RNF38: variants seen among roughly 807,000 people sequenced by gnomAD.
The protein encoded by RNF38 is E3 ubiquitin-protein ligase RNF38.
Under a neutral mutation model 67.2 loss-of-function variants are expected in RNF38, and 15 were observed. The ratio of observed to expected loss-of-function variants is 0.22; its 90% CI spans 0.15 to 0.34. RNF38 has a LOEUF of 0.34. Ranked by LOEUF, RNF38 falls within the 10% of genes least tolerant of loss-of-function variation. The pLI is 1.00. For missense variants in RNF38, 524 were observed against 639.9 expected, an observed-to-expected ratio of 0.82 and a Z score of 1.95; for synonymous variants, 220 against 218.8, an observed-to-expected ratio of 1.01 and a Z score of -0.05.
intron 2 of RNF38, among the ~76,000 whole-genome samples, chr9:36,411,256 A>T (rs1838319085): frequency 6.6e-6 from 1 of 152,186 alleles, no homozygotes; most frequent in Non-Finnish European, 1.5e-5. Flanking sequence ...AAAAAAATTA[A>T]AAAGAAAATA....
upstream of RNF38, chr9:36,400,476 G>A (rs1249694566): frequency 9.8e-7 from 1 of 1,017,932 alleles, no homozygotes; most frequent in Non-Finnish European, 1.2e-6. Flanking sequence ...CAAGACTCGG[G>A]CGCGGCCCCG....
chr9:36,417,910 C>T (rs1176221893), intron 2 of RNF38, among the ~76,000 whole-genome samples: 1 of 152,090 alleles, frequency 6.6e-6, no homozygotes, highest in Admixed American at 6.5e-5. Flanking sequence ...AATCAAGGAA[C>T]TTGATTTTAC....
chr9:36,338,622 CAT>C lies in RNF38; in HGVS notation c.*1128_*1129del, dbSNP rs1405997890. 6.6e-6 allele frequency: 1 copy of C among 152,280 alleles called. No homozygotes were observed. The highest frequency in any genetic ancestry group is 1.5e-5 in the Non-Finnish European group (1 of 68,024). The allele number at this position is 152,280 out of a possible 1,614,324, so 9.4% of individuals were successfully genotyped here. ...CCCACAGGAGCTTGAACACAGAACA[CAT>C]ATGAGAAGTCAAGCTGAATTAACAG... On this transcript the variant is annotated 3_prime_UTR_variant, in exon 12 of 12. Transcript: ENST00000259605.
At chr9:36,484,091 T>A (rs1008211966) in intron 1 of RNF38, among the ~76,000 whole-genome samples, 8 of 152,142 alleles carry the variant, frequency 5.3e-5, no homozygotes, top group African/African-American at 1.9e-4. Flanking sequence ...AAACCCAAGA[T>A]AGTGGTTCTC....
rs370028856 is a variant in RNF38, at chr9:36,467,531, G to A, written n.241+19777C>T. ...GTTTCCTCAATATGACAATAAGGAG[G>A]TCAGATTATGATTCTGCTGCTCTCT... On this transcript the variant is annotated intron_variant and non_coding_transcript_variant, in intron 1 of 3. Coordinates refer to the RNF38 transcript ENST00000488058. 1.4e-4 allele frequency among the ~76,000 whole-genome samples: 22 copies of A among 152,210 alleles called. No individual in the cohort carries two copies. The South Asian group carries it at 4.6e-3, about 32-fold the overall frequency.
At chr9:36,433,282 TG>T (rs1446291056) in intron 1 of RNF38, among the ~76,000 whole-genome samples, 2 of 151,842 alleles carry the variant, frequency 1.3e-5, no homozygotes, top group African/African-American at 4.8e-5. Flanking sequence ...ACAGTATAAC[TG>T]GATTGTAACA....
chr9:36,438,089 G>A (rs1274650023), intron 1 of RNF38, among the ~76,000 whole-genome samples: 1 of 152,118 alleles, frequency 6.6e-6, no homozygotes, highest in African/African-American at 2.4e-5. Flanking sequence ...CTACAAGTGT[G>A]TGCTACCAGG....
chr9:36,377,887 G>C (rs570523127), intron 2 of RNF38, among the ~76,000 whole-genome samples: 1 of 151,598 alleles, frequency 6.6e-6, no homozygotes, highest in East Asian at 1.9e-4. Context: ...CATTTTTTCT[G>C]ACTATTTCCC....
chr9:36,398,548 TCTC>T (rs1277005952), intron 1 of RNF38, among the ~76,000 whole-genome samples: 6 of 152,308 alleles, frequency 3.9e-5, no homozygotes, highest in Middle Eastern at 6.8e-3. Flanking sequence ...TAATGCTTTA[TCTC>T]CTCTAGATAA....
chr9:36,342,510 C>T, intron 10 of RNF38, 86 bp from the exon 11 acceptor site: 3 of 847,484 alleles, frequency 3.5e-6, no homozygotes, highest in Non-Finnish European at 5.8e-6. Context: ...ATAATTTATT[C>T]TGTTATCAAA....
chr9:36,349,479 A>AT (rs1049155706), intron 9 of RNF38, among the ~76,000 whole-genome samples: 12 of 151,356 alleles, frequency 7.9e-5, no homozygotes, highest in African/African-American at 2.7e-4. Flanking sequence ...TGGGTTATTC[A>AT]TTTTTTTTGC....
At chr9:36,389,302 G>A (rs998897224) in intron 2 of RNF38, among the ~76,000 whole-genome samples, 1 of 147,366 alleles carries the variant, frequency 6.8e-6, no homozygotes, top group Non-Finnish European at 1.5e-5. Flanking sequence ...TTTATATTGA[G>A]TTACTGTTTG....
At chr9:36,455,043 A>G (rs1337633272) in intron 1 of RNF38, among the ~76,000 whole-genome samples, 1 of 152,130 alleles carries the variant, frequency 6.6e-6, no homozygotes, top group Non-Finnish European at 1.5e-5. Flanking sequence ...TCTTAAGAAC[A>G]TAAACTGCAA....
rs150298013 is a variant in RNF38, at chr9:36,360,801, C to G, written c.571-2859G>C. ...TTTGTCACAAATACCACCCCCCTAC[C>G]CCGACCAACTGCACACACATTTTTT... is the stretch of plus-strand genomic sequence containing the variant. On this transcript the variant is annotated intron_variant, in intron 4 of 11. Transcript: ENST00000259605. Among the ~76,000 whole-genome samples the G allele has an allele frequency of 1.3e-3, 203 of 152,152 alleles. 2 individuals carry two copies. Among genetic ancestry groups the G allele is most frequent in the Non-Finnish European group, 2.3e-3 (158 of 67,974 alleles).
chr9:36,436,278 T>C (rs1343872963), intron 1 of RNF38, among the ~76,000 whole-genome samples: 1 of 152,134 alleles, frequency 6.6e-6, no homozygotes, highest in African/African-American at 2.4e-5. Flanking sequence ...AAAAAATATC[T>C]AGGGAAGTCA....
intron 2 of RNF38, among the ~76,000 whole-genome samples, chr9:36,411,994 T>C (rs1838339282): frequency 6.6e-6 from 1 of 151,856 alleles, no homozygotes; most frequent in Non-Finnish European, 1.5e-5. Flanking sequence ...TGTATGATTC[T>C]ACTTGTATGA....
chr9:36,423,093 C>T (rs1256504909), intron 2 of RNF38, among the ~76,000 whole-genome samples: 2 of 152,204 alleles, frequency 1.3e-5, no homozygotes, highest in East Asian at 3.8e-4. Context: ...ATTTTGCCTT[C>T]TCCCTCTATC....
intron 1 of RNF38, among the ~76,000 whole-genome samples, chr9:36,397,025 G>GTATATACGTATATACATATGTA: frequency 8.9e-6 from 1 of 112,644 alleles, no homozygotes; most frequent in East Asian, 2.6e-4. Flanking sequence ...GTGTGTGTGT[G>GTATATACGTATATACATATGTA]TATATACGTA....
chr9:36,484,238 A>G (rs1209879868), intron 1 of RNF38, among the ~76,000 whole-genome samples: 1 of 152,214 alleles, frequency 6.6e-6, no homozygotes, highest in African/African-American at 2.4e-5. Context: ...CACAGGTCCA[A>G]TAGAAAGTTT....
Sources: gnomAD v4.1 joint callset for allele counts (sites outside exome capture counted in the v4.1 genomes callset) on GRCh38, gnomAD v4.1.1 for gene constraint, MANE v1.5 for transcripts, NCBI Gene and HGNC (gene_info 2026-07-23, HGNC 2026-07-21) for gene names.